LIMD1: variants seen among roughly 807,000 people sequenced by gnomAD.
LIMD1 encodes the protein LIM domain containing 1.
In LIMD1, 23 loss-of-function variants were observed where a neutral mutation model predicts 58.4. That is an observed-to-expected ratio of 0.39 (90% confidence interval 0.28 to 0.56). The LOEUF (loss-of-function observed/expected upper bound fraction) is 0.56. Among genes scored for constraint, LIMD1 ranks in the 20% least tolerant of loss-of-function variants. The pLI is 0.57. For missense variants in LIMD1, 838 were observed against 855.5 expected, an observed-to-expected ratio of 0.98 and a Z score of 0.25; for synonymous variants, 334 against 345.5, an observed-to-expected ratio of 0.97 and a Z score of 0.37.
intron 1 of LIMD1, among the ~76,000 whole-genome samples, chr3:45,605,270 C>T (rs1701457121): frequency 6.6e-6 from 1 of 152,262 alleles, no homozygotes; most frequent in Non-Finnish European, 1.5e-5. Context: ...GGCAGAGAGC[C>T]TGGAAAGGCA....
At chr3:45,614,447 G>T (rs1407127359) in intron 1 of LIMD1, among the ~76,000 whole-genome samples, 1 of 151,416 alleles carries the variant, frequency 6.6e-6, no homozygotes, top group Admixed American at 6.6e-5. Flanking sequence ...CTGCCCGGGT[G>T]CTGTGGTTCA....
chr3:45,632,933 A>C (rs1701750403), intron 1 of LIMD1, among the ~76,000 whole-genome samples: 1 of 152,260 alleles, frequency 6.6e-6, no homozygotes, highest in East Asian at 1.9e-4. Flanking sequence ...TGATGCCTCA[A>C]CCCTGTTGGG....
rs1701386005 is a variant in LIMD1 at position 45,599,185 on chromosome 3, T to C, written c.1408+2898T>C. Among the ~76,000 whole-genome samples, 20 of 152,274 alleles carry C rather than the reference T, an allele frequency of 1.3e-4. No homozygotes were observed. The South Asian group carries it at 3.9e-3, about 30-fold the overall frequency. ...GAGATGAAATTCACATAATGTAAAA[T>C]TAACCATTTTGAAGTGAACAATTCA... is the stretch of plus-strand genomic sequence containing the variant. On this transcript the variant is annotated intron_variant, in intron 1 of 7. Coordinates refer to ENST00000273317, the MANE Select transcript of LIMD1 (RefSeq NM_014240.3).
At chr3:45,624,297 T>A (rs573145519) in intron 1 of LIMD1, among the ~76,000 whole-genome samples, 1 of 152,252 alleles carries the variant, frequency 6.6e-6, no homozygotes, top group African/African-American at 2.4e-5. Context: ...GGCACTGCTC[T>A]GGGAGGCCTC....
chr3:45,654,920 ATTT>A (rs199987395), intron 2 of LIMD1, among the ~76,000 whole-genome samples: 1 of 140,610 alleles, frequency 7.1e-6, no homozygotes, highest in African/African-American at 2.6e-5. Flanking sequence ...TTATCAGTCA[ATTT>A]TTTTTTTTTT....
In LIMD1 at chr3:45,678,089, A is replaced by G. The variant is rs1442220279; in HGVS notation, c.*1030A>G. ...GGAGCGCCTCAGGATAAGTTATTATATTCATTTCGTTGGTTTCTCTCCTGC... is the reference window on the plus strand; with the variant it reads ...GGAGCGCCTCAGGATAAGTTATTATGTTCATTTCGTTGGTTTCTCTCCTGC... On this transcript the variant is annotated 3_prime_UTR_variant, in exon 8 of 8. Coordinates refer to ENST00000273317, the MANE Select transcript of LIMD1 (RefSeq NM_014240.3). 1 of 152,634 alleles carries G rather than the reference A, an allele frequency of 6.6e-6. No homozygotes were observed. Among genetic ancestry groups the G allele is most frequent in the Non-Finnish European group, 1.5e-5 (1 of 68,042 alleles). 9.5% of individuals were successfully genotyped at this position (152,634 alleles called of 1,614,324 possible). A position where few individuals can be genotyped will look rare whatever the true frequency, so the allele number is the denominator to read the frequency against.
intron 1 of LIMD1, among the ~76,000 whole-genome samples, chr3:45,613,400 TC>T (rs1169003754): frequency 6.6e-6 from 1 of 152,196 alleles, no homozygotes. Context: ...ATAATGAGAA[TC>T]AACTATAGTA....
rs919243632 is a variant in LIMD1, at chr3:45,684,830, G to C, written c.*7771G>C. 6 of 152,138 alleles carry C rather than the reference G, an allele frequency of 3.9e-5. No individual in the cohort carries two copies. Among genetic ancestry groups the C allele is most frequent in the African/African-American group, 1.4e-4 (6 of 41,408 alleles). The allele number at this position is 152,138 out of a possible 1,614,324, so 9.4% of individuals were successfully genotyped here. On this transcript the variant is annotated 3_prime_UTR_variant, in exon 8 of 8. Transcript: ENST00000273317. ...CATATTGGATGCACCTGTCTTCCAG[G>C]TGCAGCTGCCGGCATTTATCTGTGC...
At chr3:45,598,285 A>G (rs192511082) in intron 1 of LIMD1, among the ~76,000 whole-genome samples, 171 of 152,338 alleles carry the variant, frequency 1.1e-3, no homozygotes, top group African/African-American at 3.8e-3. Flanking sequence ...ACATGGCACC[A>G]TCTTACTGTG....
intron 2 of LIMD1, among the ~76,000 whole-genome samples, chr3:45,643,844 A>G (rs6800902): frequency 0.99 from 151,186 of 152,310 alleles, 75,035 homozygotes; most frequent in East Asian, 1. Context: ...ATGGTGCTGG[A>G]ATGTGTAAGT....
intron 2 of LIMD1, among the ~76,000 whole-genome samples, chr3:45,638,978 T>C (rs1355883389): frequency 6.6e-6 from 1 of 152,190 alleles, no homozygotes; most frequent in African/African-American, 2.4e-5. Context: ...AAGCAACCCT[T>C]CTGCCTTAGC....
Position 45,677,307 on chromosome 3 carries a change from C to T in LIMD1, c.*248C>T. 1 of 443,480 alleles carries T rather than the reference C, an allele frequency of 2.3e-6. No homozygotes were observed. Among genetic ancestry groups the T allele is most frequent in the South Asian group, 2.5e-5 (1 of 39,310 alleles). The allele number at this position is 443,480 out of a possible 1,614,324, so 27.5% of individuals were successfully genotyped here. ...CAGGTTACTCAGGAAAATGCTCCAG[C>T]ATGTGCGAGCACATGACCTGAGGTT... is the stretch of plus-strand genomic sequence containing the variant. On this transcript the variant is annotated 3_prime_UTR_variant, in exon 8 of 8. Transcript: ENST00000273317.
chr3:45,624,436 G>T (rs780744875), intron 1 of LIMD1, among the ~76,000 whole-genome samples: 1 of 152,072 alleles, frequency 6.6e-6, no homozygotes, highest in East Asian at 1.9e-4. Context: ...GGCCAGGCGC[G>T]GTGTCTCACG....
In LIMD1 at chr3:45,594,974, A is replaced by T; in HGVS notation, c.95A>T (p.Asp32Val). 6.2e-7 allele frequency: 1 copy of T among 1,613,966 alleles called. No homozygotes were observed. Among genetic ancestry groups the T allele is most frequent in the Non-Finnish European group, 8.5e-7 (1 of 1,180,042 alleles). ...EASKDGLFRV[D>V]KGAGNNPEFE... ...TCTAAGGATGGGCTCTTCCGAGTGGACAAGGGTGCAGGCAACAACCCCGAG... is the reference window on the plus strand; with the variant it reads ...TCTAAGGATGGGCTCTTCCGAGTGGTCAAGGGTGCAGGCAACAACCCCGAG... Residue 32 changes from aspartate (D) to valine (V), a missense_variant, in exon 1 of 8, where the codon GAC (aspartate) becomes GTC (valine). By Grantham distance (152) the Asp-to-Val change is radical. This residue lies in a region of LIMD1 where 659 missense variants were observed against 639.8 expected (regional missense o/e 1.03). Transcript: ENST00000273317.
At chr3:45,640,472 G>A (rs1701830715) in intron 2 of LIMD1, among the ~76,000 whole-genome samples, 1 of 152,118 alleles carries the variant, frequency 6.6e-6, no homozygotes. Flanking sequence ...CTGTTGCCCA[G>A]GCTGGAGTGC....
rs1167737515 is a variant in LIMD1, at chr3:45,595,370, A to T, written c.491A>T (p.Gln164Leu). Reference protein sequence around the residue: ...LATSEMSAFHQPGPCEDPSCL... With the variant: ...LATSEMSAFHLPGPCEDPSCL... ...ACTTCTGAGATGTCTGCTTTCCACC[A>T]GCCAGGCCCCTGTGAGGATCCTTCC... Residue 164 changes from glutamine to leucine, a missense_variant, in exon 1 of 8, where the codon CAG becomes CTG. By Grantham distance (113) the Gln-to-Leu change is moderately radical. Around this residue, in one of 3 missense-constraint regions of LIMD1, gnomAD observed 659 missense variants for 639.8 expected, o/e 1.03. Transcript: ENST00000273317. 1 of 1,613,788 alleles carries T rather than the reference A, an allele frequency of 6.2e-7. No homozygotes were observed. Among genetic ancestry groups the T allele is most frequent in the South Asian group, 1.1e-5 (1 of 91,088 alleles).
chr3:45,654,920 A>T (rs1575361367), intron 2 of LIMD1, among the ~76,000 whole-genome samples: 1 of 140,586 alleles, frequency 7.1e-6, no homozygotes. Flanking sequence ...TTATCAGTCA[A>T]TTTTTTTTTT....
Position 45,596,155 on chromosome 3 carries a change from A to C in LIMD1, c.1276A>C (p.Arg426=). The C allele has an allele frequency of 6.2e-7, 1 of 1,614,058 alleles. No individual in the cohort carries two copies. Among genetic ancestry groups the C allele is most frequent in the South Asian group, 1.1e-5 (1 of 91,070 alleles). ...GCTCCTGGACAGCCCCAGCTCCCCT[A>C]GGGTAAGGCTGCCCTGCCAGCCCCT... is the stretch of plus-strand genomic sequence containing the variant. ...SVLLDSPSSP[R]VRLPCQPLVP... The change falls in exon 1 of 8, where the codon AGG becomes CGG. Residue 426 remains arginine, a synonymous_variant. Coordinates refer to ENST00000273317, the MANE Select transcript of LIMD1 (RefSeq NM_014240.3).
chr3:45,615,208 A>G (rs908190957), intron 1 of LIMD1, among the ~76,000 whole-genome samples: 1 of 152,240 alleles, frequency 6.6e-6, no homozygotes, highest in African/African-American at 2.4e-5. Context: ...CATTTGTGGG[A>G]AAGTAACCAA....
Sources: allele counts gnomAD v4.1 joint callset (sites outside exome capture counted in the v4.1 genomes callset), GRCh38; gene constraint gnomAD v4.1.1; regional missense constraint gnomAD v4.1.1; transcripts MANE v1.5; gene names NCBI Gene and HGNC (gene_info 2026-07-23, HGNC 2026-07-21).